Variants in FLT1 observed in about 807,000 individuals in gnomAD.
The protein encoded by FLT1 is fms related receptor tyrosine kinase 1.
A neutral mutation model predicts 156.3 loss-of-function variants in FLT1; 49 were observed. The observed-to-expected ratio is 0.31, with a 90% CI of 0.25 to 0.40. FLT1 has a LOEUF of 0.40. Among genes scored for constraint, FLT1 ranks in the 10% least tolerant of loss-of-function variants. FLT1 has a pLI of 1.00. For synonymous variants in FLT1, 594 were observed against 583.8 expected, an observed-to-expected ratio of 1.02 and a Z score of -0.25; for missense variants, 1,322 against 1,637.2, an observed-to-expected ratio of 0.81 and a Z score of 3.32.
intron 16 of FLT1, among the ~76,000 whole-genome samples, chr13:28,344,792 CTTTTTTTTTT>C (rs869199622): frequency 9.7e-4 from 40 of 41,414 alleles, no homozygotes; most frequent in East Asian, 2.9e-3. Flanking sequence ...GGGGCCTTTA[CTTTTTTTTTT>C]TTTTTTTTTT....
At chr13:28,392,069 G>A (rs1398772066) in intron 12 of FLT1, among the ~76,000 whole-genome samples, 3 of 152,168 alleles carry the variant, frequency 2.0e-5, no homozygotes. Flanking sequence ...TCCAAAATTA[G>A]ATATCATATC....
chr13:28,338,316 A>G (rs11617354), intron 17 of FLT1, among the ~76,000 whole-genome samples: 5,513 of 152,154 alleles, frequency 0.036, 295 homozygotes, highest in Admixed American at 0.15. Flanking sequence ...TGGATCCACA[A>G]TCTGTTTTCT....
At chr13:28,460,838 GTACTT>G (rs1282652199) in intron 3 of FLT1, among the ~76,000 whole-genome samples, 7 of 151,278 alleles carry the variant, frequency 4.6e-5, no homozygotes. Context: ...ACGCACGTAT[GTACTT>G]TACATTTATG....
At chr13:28,364,544 A>C (rs1873219262) in intron 14 of FLT1, among the ~76,000 whole-genome samples, 1 of 152,032 alleles carries the variant, frequency 6.6e-6, no homozygotes, top group Non-Finnish European at 1.5e-5. Flanking sequence ...TTCATTTACT[A>C]TTTTGTGTTT....
intron 1 of FLT1, among the ~76,000 whole-genome samples, chr13:28,476,673 C>G (rs1219611386): frequency 6.6e-6 from 1 of 152,184 alleles, no homozygotes; most frequent in African/African-American, 2.4e-5. Context: ...AGTCTCTGAT[C>G]TCAAAGTCTG....
chr13:28,423,083 C>T (rs142343022), intron 10 of FLT1, among the ~76,000 whole-genome samples: 21 of 152,310 alleles, frequency 1.4e-4, no homozygotes, highest in African/African-American at 5.1e-4. Context: ...GGGGTTTACT[C>T]GTACTACTTA....
rs372346426 is a variant in FLT1, at chr13:28,322,925, G to T, written c.2818C>A (p.Pro940Thr). 7 of 1,613,980 alleles carry T rather than the reference G, an allele frequency of 4.3e-6. No homozygotes were observed. In the South Asian group the frequency reaches 4.4e-5, roughly 10 times the overall value. ...CCTGGCTCCATTTTTTCTTTCTTAG[G>T]CTCCATGTGTAGTGCTGCATCCTTT... Reference protein sequence around the residue: ...LNKDAALHMEPKKEKMEPGLE... With the variant: ...LNKDAALHMETKKEKMEPGLE... The change falls in exon 21 of 30, where the codon CCT (proline) becomes ACT (threonine). Residue 940 changes from proline to threonine, a missense_variant. This residue lies in a region of FLT1 where 991 missense variants were observed against 1,254.8 expected (regional missense o/e 0.79). Coordinates refer to ENST00000282397, the MANE Select transcript of FLT1 (RefSeq NM_002019.4). This position sits in a 1 kb window ranked among gnomAD's most constrained non-coding sequence, Gnocchi z 4.3.
intron 18 of FLT1, among the ~76,000 whole-genome samples, chr13:28,329,932 C>T (rs1325402190): frequency 6.6e-6 from 1 of 152,236 alleles, no homozygotes; most frequent in Non-Finnish European, 1.5e-5. Flanking sequence ...CAGTAAGGCC[C>T]AGCACAGTAG....
chr13:28,456,777 C>T (rs1289214495), intron 3 of FLT1, among the ~76,000 whole-genome samples: 1 of 146,696 alleles, frequency 6.8e-6, no homozygotes, highest in African/African-American at 2.6e-5. Context: ...GCCTGGGCAA[C>T]AGGATGAGAC....
chr13:28,325,683 G>A (rs1248661025), intron 20 of FLT1, among the ~76,000 whole-genome samples: 5 of 151,620 alleles, frequency 3.3e-5, no homozygotes, highest in Non-Finnish European at 2.9e-5. Flanking sequence ...GCGTTGTGGC[G>A]GGCTCCTGTA....
intron 1 of FLT1, among the ~76,000 whole-genome samples, chr13:28,474,322 G>T (rs1393528584): frequency 1.3e-5 from 2 of 152,056 alleles, no homozygotes; most frequent in Admixed American, 6.6e-5. Context: ...CAGGTGTGGT[G>T]GCATGCACCT....
chr13:28,348,483 C>G (rs1444851271), intron 15 of FLT1, among the ~76,000 whole-genome samples: 2 of 152,192 alleles, frequency 1.3e-5, no homozygotes, highest in African/African-American at 4.8e-5. Context: ...TTGGCTTTTG[C>G]TATTTCTCTG....
At chr13:28,385,164 T>C (rs1874286710) in intron 13 of FLT1, 133 bp from the exon 14 acceptor site, 1 of 911,502 alleles carries the variant, frequency 1.1e-6, no homozygotes, top group East Asian at 2.5e-5. Context: ...TTGTTCACTT[T>C]CTCTTCAATC....
At chr13:28,397,748 CCG>C (rs1491140930) in intron 11 of FLT1, among the ~76,000 whole-genome samples, 1 of 93,602 alleles carries the variant, frequency 1.1e-5, no homozygotes, top group Non-Finnish European at 2.1e-5. Flanking sequence ...CTGAAGGAGA[CCG>C]TGTGTGTGTG....
intron 11 of FLT1, 125 bp from the exon 12 acceptor site, chr13:28,397,193 T>C (rs1485039040): frequency 5.8e-6 from 4 of 686,750 alleles, no homozygotes; most frequent in Non-Finnish European, 1.0e-5. Context: ...ATTGCATAGG[T>C]GGTGGTTACC....
intron 14 of FLT1, among the ~76,000 whole-genome samples, chr13:28,366,627 G>A (rs1319620519): frequency 2.6e-5 from 4 of 151,952 alleles, no homozygotes; most frequent in African/African-American, 7.3e-5. Flanking sequence ...CTGCCACCAC[G>A]CCCGGCTAAT....
chr13:28,482,088 T>A (rs1880885544), intron 1 of FLT1, among the ~76,000 whole-genome samples: 1 of 152,230 alleles, frequency 6.6e-6, no homozygotes, highest in African/African-American at 2.4e-5. Flanking sequence ...GAATAATGAC[T>A]GGCTATAAAA....
chr13:28,402,024 A>G (rs1416098178), intron 11 of FLT1, among the ~76,000 whole-genome samples: 3 of 152,216 alleles, frequency 2.0e-5, no homozygotes, highest in South Asian at 2.1e-4. Context: ...AGACAATACG[A>G]AAGTGCACAT....
intron 1 of FLT1, among the ~76,000 whole-genome samples, chr13:28,485,574 C>T (rs1355932250): frequency 6.6e-6 from 1 of 152,142 alleles, no homozygotes; most frequent in Non-Finnish European, 1.5e-5. Flanking sequence ...CAAACTCCAG[C>T]TTAATAGCTA....
Sources: gnomAD v4.1 joint callset for allele counts (sites outside exome capture counted in the v4.1 genomes callset) on GRCh38, gnomAD v4.1.1 for gene constraint, gnomAD v4.1.1 regional missense constraint, Gnocchi (gnomAD v3.1) non-coding constraint, MANE v1.5 for transcripts, NCBI Gene and HGNC (gene_info 2026-07-23, HGNC 2026-07-21) for gene names.